The following AKAP13 variants were observed in gnomAD, a reference collection of about 807,000 sequenced individuals.
AKAP13 encodes the protein A-kinase anchoring protein 13, also known as A-kinase anchor protein 13.
In AKAP13, 80 loss-of-function variants were observed where a neutral mutation model predicts 264.5. The observed-to-expected ratio is 0.30, with a 90% CI of 0.25 to 0.36. The LOEUF (loss-of-function observed/expected upper bound fraction) is 0.36, where lower values mean the gene tolerates loss of function less well. Ranked by LOEUF, AKAP13 falls within the 10% of genes least tolerant of loss-of-function variation. The pLI, the probability that AKAP13 is intolerant of heterozygous loss-of-function variation, is 1.00. For missense variants in AKAP13, 3,712 were observed against 3,435.2 expected (o/e 1.08, Z -2.01); for synonymous variants, 1,380 against 1,250.2 (o/e 1.10, Z -2.19).
At chr15:85,594,517 A>G (rs572614817) in intron 8 of AKAP13, among the ~76,000 whole-genome samples, 9 of 152,224 alleles carry the variant, frequency 5.9e-5, no homozygotes, top group Admixed American at 2.6e-4. Context: ...TATATGCATT[A>G]TGTATCAGAA....
chr15:85,638,900 G>A lies in AKAP13; in HGVS notation c.4162-474G>A, dbSNP rs775067595. 1.6e-3 allele frequency among the ~76,000 whole-genome samples: 243 copies of A among 152,102 alleles called. 1 individual carries two copies. The highest frequency in any genetic ancestry group is 3.7e-3 in the Admixed American group (56 of 15,284). On this transcript the variant is annotated intron_variant, in intron 8 of 36. Coordinates refer to ENST00000394518, the MANE Select transcript of AKAP13 (RefSeq NM_007200.5). Reference sequence around the variant, plus strand: ...GCCTCCTGAGTAGCTGGGATTACAGGCGTGCACCACCACCATGCCTGGGTA... The same window carrying A: ...GCCTCCTGAGTAGCTGGGATTACAGACGTGCACCACCACCATGCCTGGGTA...
Position 85,550,078 on chromosome 15 carries a change from G to A in AKAP13, c.662+6123G>A, listed in dbSNP as rs569460223. Among the ~76,000 whole-genome samples, 7 of 152,184 alleles carry A rather than the reference G, an allele frequency of 4.6e-5. No homozygotes were observed. In the South Asian group the frequency reaches 6.2e-4, roughly 14 times the overall value. On this transcript the variant is annotated intron_variant, in intron 5 of 36. Coordinates refer to ENST00000394518, the MANE Select transcript of AKAP13 (RefSeq NM_007200.5). ...ATTACAGGTGCACGCCACCACGCCC[G>A]GCTTATTTTTGAATTTTTAGTAGAG...
At chr15:85,732,080 C>CAAAAAA (rs34426976) in intron 30 of AKAP13, among the ~76,000 whole-genome samples, 1 of 114,572 alleles carries the variant, frequency 8.7e-6, no homozygotes, top group African/African-American at 3.2e-5. Context: ...GAGACTATCT[C>CAAAAAA]AAAAAAAAAA....
At chr15:85,680,319 A>T (rs1015553149) in intron 14 of AKAP13, among the ~76,000 whole-genome samples, 12 of 151,878 alleles carry the variant, frequency 7.9e-5, no homozygotes, top group Non-Finnish European at 1.6e-4. Context: ...TTTTTTTTTA[A>T]GTACACTAAT....
chr15:85,405,899 G>A (rs1416086796), intron 1 of AKAP13, among the ~76,000 whole-genome samples: 9 of 151,988 alleles, frequency 5.9e-5, no homozygotes, highest in African/African-American at 2.2e-4. Flanking sequence ...AAGGCTGTTA[G>A]AGTACACTGG....
intron 11 of AKAP13, among the ~76,000 whole-genome samples, chr15:85,656,071 T>A (rs1354520762): frequency 6.6e-6 from 1 of 152,214 alleles, no homozygotes; most frequent in East Asian, 1.9e-4. Flanking sequence ...TGTCATATAA[T>A]GAGTGTTTAG....
chr15:85,704,388 T>C (rs981437014), intron 17 of AKAP13, among the ~76,000 whole-genome samples: 4 of 152,220 alleles, frequency 2.6e-5, no homozygotes, highest in African/African-American at 7.2e-5. Context: ...GTTTTATTTT[T>C]CTTCCGAAAG....
intron 8 of AKAP13, among the ~76,000 whole-genome samples, chr15:85,598,438 G>A (rs1325684489): frequency 2.0e-5 from 3 of 152,188 alleles, no homozygotes; most frequent in Non-Finnish European, 2.9e-5. Flanking sequence ...ACTTGTCAGC[G>A]GGAGAGGCAT....
chr15:85,585,602 A>T (rs1275750109), intron 7 of AKAP13, 100 bp from the exon 8 acceptor site: 18 of 1,537,232 alleles, frequency 1.2e-5, no homozygotes, highest in Non-Finnish European at 1.5e-5. Context: ...TTAACGCAAA[A>T]GCAAAACAAA....
Position 85,708,650 on chromosome 15 carries a change from G to A in AKAP13, c.5532+564G>A, listed in dbSNP as rs2086453593. On this transcript the variant is annotated intron_variant, in intron 18 of 36. Transcript: ENST00000394518. This position sits in a 1 kb window ranked among gnomAD's most constrained non-coding sequence, Gnocchi z 4.3. ...TATGCTATGTAATCATGCTTTCCCAGTGGCCCTTAAAAAAAAGTGTGGGTT... is the reference window on the plus strand; with the variant it reads ...TATGCTATGTAATCATGCTTTCCCAATGGCCCTTAAAAAAAAGTGTGGGTT... Among the ~76,000 whole-genome samples the A allele has an allele frequency of 6.6e-6, 1 of 152,130 alleles. No individual in the cohort carries two copies. The highest frequency in any genetic ancestry group is 1.5e-5 in the Non-Finnish European group (1 of 68,028).
intron 17 of AKAP13, among the ~76,000 whole-genome samples, chr15:85,698,890 G>A (rs1405551541): frequency 6.9e-6 from 1 of 144,246 alleles, no homozygotes; most frequent in East Asian, 2.1e-4. Context: ...GTTGCAGTGA[G>A]CCGAGATCGA....
At chr15:85,588,233 A>G (rs1232726508) in intron 8 of AKAP13, among the ~76,000 whole-genome samples, 2 of 152,174 alleles carry the variant, frequency 1.3e-5, no homozygotes, top group Non-Finnish European at 2.9e-5. Flanking sequence ...ACCTTGTTGT[A>G]TTGGAGTACT....
At chr15:85,503,696 GC>G (rs1254427887) in intron 2 of AKAP13, among the ~76,000 whole-genome samples, 2 of 152,198 alleles carry the variant, frequency 1.3e-5, no homozygotes, top group Non-Finnish European at 2.9e-5. Context: ...GGTAAAGGAG[GC>G]CCTTCATCTG....
In AKAP13 at chr15:85,575,289, G is replaced by A. The variant is rs1348170390; in HGVS notation, c.821G>A (p.Gly274Glu). 1.2e-6 allele frequency: 2 copies of A among 1,613,988 alleles called. No individual in the cohort carries two copies. Among genetic ancestry groups the A allele is most frequent in the South Asian group, 1.1e-5 (1 of 91,084 alleles). ...CCATTTCCTGGAGACGGTTGCACTG[G>A]ACCAATTTTTAAACTTATGAACATC... ...EHPFPGDGCT[G>E]PIFKLMNIQQ... The change falls in exon 6 of 37, where the codon GGA becomes GAA. Residue 274 changes from glycine (G) to glutamate (E), a missense_variant. By Grantham distance (98) the Gly-to-Glu change is moderately conservative (BLOSUM62 -2). Coordinates refer to ENST00000394518, the MANE Select transcript of AKAP13 (RefSeq NM_007200.5).
chr15:85,521,443 A>T lies in AKAP13; in HGVS notation c.49A>T (p.Thr17Ser), dbSNP rs2151155604. 3 of 1,614,102 alleles carry T rather than the reference A, an allele frequency of 1.9e-6. No individual in the cohort carries two copies. In the East Asian group the frequency reaches 6.7e-5, roughly 36 times the overall value. The change falls in exon 3 of 37, where the codon ACA becomes TCA. Residue 17 changes from threonine (T) to serine (S), a missense_variant. Thr to Ser is a moderately conservative substitution (Grantham distance 58). Around this residue, in one of 3 missense-constraint regions of AKAP13, gnomAD observed 2,759 missense variants for 2,411.7 expected, o/e 1.14. Transcript: ENST00000394518. ...CCTTTCCTAGGGTGATTGTGTTGTT[A>T]CAGTGCTGCTTGCTGAAGAGGACAA... ...QAPLYGDCVVTVLLAEEDKAE... is the reference protein window; with the variant it reads ...QAPLYGDCVVSVLLAEEDKAE...
chr15:85,407,080 T>C (rs1481558988), intron 1 of AKAP13, among the ~76,000 whole-genome samples: 1 of 151,746 alleles, frequency 6.6e-6, no homozygotes, highest in Non-Finnish European at 1.5e-5. Flanking sequence ...AGAAGGAATG[T>C]GCACCAGCCA....
At chr15:85,625,201 T>C (rs1328880191) in intron 8 of AKAP13, among the ~76,000 whole-genome samples, 1 of 152,216 alleles carries the variant, frequency 6.6e-6, no homozygotes, top group Non-Finnish European at 1.5e-5. Context: ...CCCATTCACT[T>C]TCCTACCCAT....
intron 3 of AKAP13, among the ~76,000 whole-genome samples, chr15:85,529,375 C>G (rs1023085298): frequency 6.6e-6 from 1 of 152,112 alleles, no homozygotes; most frequent in Non-Finnish European, 1.5e-5. Context: ...GAGCCGAGAT[C>G]GTGCCACTGC....
intron 14 of AKAP13, among the ~76,000 whole-genome samples, chr15:85,677,888 T>G (rs1597024131): frequency 3.9e-5 from 6 of 152,150 alleles, no homozygotes; most frequent in Admixed American, 3.9e-4. Flanking sequence ...GACCTCATGA[T>G]CCGCCTGCCT....
Sources: allele counts gnomAD v4.1 joint callset (sites outside exome capture counted in the v4.1 genomes callset), GRCh38; gene constraint gnomAD v4.1.1; regional missense constraint gnomAD v4.1.1; non-coding constraint Gnocchi (gnomAD v3.1); transcripts MANE v1.5; gene names NCBI Gene and HGNC (gene_info 2026-07-23, HGNC 2026-07-21).